DDX31: variants seen among roughly 807,000 people sequenced by gnomAD.
DDX31 encodes the protein ATP-dependent DNA helicase DDX31.
A neutral mutation model predicts 91.3 loss-of-function variants in DDX31; 70 were observed. The observed-to-expected ratio is 0.77, with a 90% CI of 0.63 to 0.94. The LOEUF is 0.94. Among genes scored for constraint, DDX31 ranks in the 40% least tolerant of loss-of-function variants. The pLI is 0.00. For synonymous variants in DDX31, 362 were observed against 350.6 expected (o/e 1.03, Z -0.36); for missense variants, 902 against 925.0 (o/e 0.98, Z 0.32).
At chr9:132,608,819 G>A (rs1038367516) in intron 19 of DDX31, among the ~76,000 whole-genome samples, 2 of 152,186 alleles carry the variant, frequency 1.3e-5, no homozygotes, top group Non-Finnish European at 2.9e-5. Flanking sequence ...ACTTTGTGGG[G>A]TTTAATGGAC....
At chr9:132,604,784 G>A (rs1192767777) in intron 19 of DDX31, among the ~76,000 whole-genome samples, 1 of 152,154 alleles carries the variant, frequency 6.6e-6, no homozygotes, top group Non-Finnish European at 1.5e-5. Flanking sequence ...GGTCCTAACT[G>A]TTTTGCTCTG....
intron 17 of DDX31, 136 bp from the exon 18 acceptor site, chr9:132,618,577 A>G: frequency 1.6e-6 from 1 of 630,756 alleles, no homozygotes; most frequent in Non-Finnish European, 2.6e-6. Context: ...TTTCAATATT[A>G]CTAGGAAAAA....
intron 17 of DDX31, among the ~76,000 whole-genome samples, chr9:132,625,371 A>T (rs1832331020): frequency 6.6e-6 from 1 of 152,084 alleles, no homozygotes; most frequent in African/African-American, 2.4e-5. Context: ...AGCGTGTGGC[A>T]CTGCCTCCAG....
At chr9:132,669,731 C>T in intron 1 of DDX31, 129 bp downstream of exon 1, 4 of 1,530,754 alleles carry the variant, frequency 2.6e-6, no homozygotes, top group South Asian at 2.4e-5. Flanking sequence ...CCCGAAGCTG[C>T]CCGGTGTCTT....
At chr9:132,626,546 A>C (rs924789393) in intron 16 of DDX31, among the ~76,000 whole-genome samples, 1 of 152,184 alleles carries the variant, frequency 6.6e-6, no homozygotes, top group African/African-American at 2.4e-5. Flanking sequence ...TGCTGAAAGG[A>C]TACTTCCCAG....
intron 13 of DDX31, among the ~76,000 whole-genome samples, chr9:132,645,051 T>G (rs1361219395): frequency 6.6e-6 from 1 of 152,226 alleles, no homozygotes; most frequent in Admixed American, 6.5e-5. Context: ...TCTTATGATC[T>G]TTTAAGCTGG....
intron 18 of DDX31, among the ~76,000 whole-genome samples, chr9:132,613,392 G>A (rs1458999665): frequency 1.3e-5 from 2 of 152,054 alleles, no homozygotes; most frequent in Non-Finnish European, 2.9e-5. Flanking sequence ...TTTCAGTGCC[G>A]TTTTAAAATT....
At chr9:132,638,375 A>T in intron 14 of DDX31, 1 of 1,614,188 alleles carries the variant, frequency 6.2e-7, no homozygotes, top group Non-Finnish European at 8.5e-7. Flanking sequence ...TGTAAGTAGG[A>T]GGAAATAACA....
chr9:132,637,903 A>G, intron 14 of DDX31: 1 of 992,690 alleles, frequency 1.0e-6, no homozygotes, highest in Non-Finnish European at 1.2e-6. Flanking sequence ...CAGAACTGAC[A>G]TTGTGACTCT....
chr9:132,612,100 C>T lies in DDX31; in HGVS notation c.1981G>A (p.Ala661Thr). 1 of 1,613,854 alleles carries T rather than the reference C, an allele frequency of 6.2e-7. No individual in the cohort carries two copies. The highest frequency in any genetic ancestry group is 2.2e-5 in the East Asian group (1 of 44,878). ...LSALTRKKRK[A>T]HVKRPDLHKK... ...AGCTCATCTTACCTTTTCACGTGTG[C>T]TTTCCTCTTCTTTCTAGTCAAGGCA... The change falls in exon 19 of 20, where the codon GCA (alanine) becomes ACA (threonine). Residue 661 changes from alanine (A) to threonine (T), a missense_variant. Transcript: ENST00000372159.
chr9:132,661,381 T>A (rs1834932745), intron 3 of DDX31, 130 bp from the exon 4 acceptor site: 4 of 797,446 alleles, frequency 5.0e-6, no homozygotes, highest in East Asian at 5.3e-5. Flanking sequence ...TCCACCCAGG[T>A]GGTGCTCTCT....
rs150548539 is a variant in DDX31, at chr9:132,607,576, T to C, written c.1994+4511A>G. Among the ~76,000 whole-genome samples, 406 of 152,340 alleles carry C rather than the reference T, an allele frequency of 2.7e-3. 2 individuals carry two copies. The highest frequency in any genetic ancestry group is 9.0e-3 in the African/African-American group (373 of 41,580). ...ACTGAATCGTCTGGGCAAAAACTAC[T>C]GTGTGAGCACAGCATATAATTCACA... On this transcript the variant is annotated intron_variant, in intron 19 of 19. Transcript: ENST00000372159.
At chr9:132,636,713 T>C (rs769213865) in intron 14 of DDX31, among the ~76,000 whole-genome samples, 3 of 152,208 alleles carry the variant, frequency 2.0e-5, no homozygotes, top group East Asian at 1.9e-4. Context: ...GGAACCTCAC[T>C]GACGGCCAGC....
rs556578929 is a variant in DDX31 at position 132,647,049 on chromosome 9, C to T, written c.977G>A (p.Arg326Gln). 1.6e-5 allele frequency: 25 copies of T among 1,610,266 alleles called. No individual in the cohort carries two copies. The highest frequency in any genetic ancestry group is 1.4e-4 in the South Asian group (13 of 90,722). ...LSATLTEGVT[R>Q]LADISLHDPV... ...ATCATGCAAACTGATATCAGCTAGCCGCGTTACACCTTGGATAAAAGTAAG... is the reference window on the plus strand; with the variant it reads ...ATCATGCAAACTGATATCAGCTAGCTGCGTTACACCTTGGATAAAAGTAAG... Residue 326 changes from arginine to glutamine, a missense_variant, in exon 12 of 20, where the codon CGG (arginine) becomes CAG (glutamine). Arg to Gln is a conservative substitution (Grantham distance 43, BLOSUM62 1). Coordinates refer to ENST00000372159, the MANE Select transcript of DDX31 (RefSeq NM_022779.9).
intron 14 of DDX31, among the ~76,000 whole-genome samples, 169 bp from the exon 15 acceptor site, chr9:132,632,260 A>ACACACACACAGTCCTG (rs1832818371): frequency 1.7e-5 from 2 of 115,926 alleles, no homozygotes; most frequent in Admixed American, 8.7e-5. Context: ...ACACACACAC[A>ACACACACACAGTCCTG]CACACACACA....
At chr9:132,625,639 G>T (rs751976063) in intron 17 of DDX31, 25 bp downstream of exon 17, 1 of 1,591,204 alleles carries the variant, frequency 6.3e-7, no homozygotes, top group South Asian at 1.1e-5. Flanking sequence ...TGTTGGCAGC[G>T]AGCACAATAA....
intron 19 of DDX31, among the ~76,000 whole-genome samples, chr9:132,611,469 C>T (rs989011555): frequency 3.9e-5 from 6 of 152,172 alleles, no homozygotes; most frequent in Non-Finnish European, 7.3e-5. Context: ...CATCTCAGCA[C>T]TGGGAAAACA....
rs1404108684 is a variant in DDX31, at chr9:132,606,702, C to T, written c.1994+5385G>A. Among the ~76,000 whole-genome samples, 4 of 152,136 alleles carry T rather than the reference C, an allele frequency of 2.6e-5. No homozygotes were observed. In the East Asian group the frequency reaches 7.7e-4, roughly 29 times the overall value. On this transcript the variant is annotated intron_variant, in intron 19 of 19. Coordinates refer to ENST00000372159, the MANE Select transcript of DDX31 (RefSeq NM_022779.9). ...ACGCTGAGTGACTTGTCCAGAGGCA[C>T]ACAGACTGTAAGTGGCCCGGCCAGG...
chr9:132,632,240 G>GTA lies in DDX31; in HGVS notation c.1441-151_1441-150dup, dbSNP rs1491053650. The GTA allele has an allele frequency of 4.3e-4, 24 of 55,932 alleles. 1 individual carries two copies. The highest frequency in any genetic ancestry group is 1.5e-3 in the Admixed American group (4 of 2,644). 3.5% of individuals were successfully genotyped at this position (55,932 alleles called of 1,614,324 possible). ...GCATACACGTATATGCCCAGTACGTGTACACACACACACACACACACACAC... is the reference window on the plus strand; with the variant it reads ...GCATACACGTATATGCCCAGTACGTGTATACACACACACACACACACACACAC... On this transcript the variant is annotated intron_variant, in intron 14 of 19. Coordinates refer to ENST00000372159, the MANE Select transcript of DDX31 (RefSeq NM_022779.9).
Sources: gnomAD v4.1 joint callset for allele counts (sites outside exome capture counted in the v4.1 genomes callset) on GRCh38, gnomAD v4.1.1 for gene constraint, MANE v1.5 for transcripts, NCBI Gene and HGNC (gene_info 2026-07-23, HGNC 2026-07-21) for gene names.